Variants in MRAS observed in about 807,000 individuals in gnomAD.
MRAS encodes the protein ras-related protein M-Ras.
A neutral mutation model predicts 20.9 loss-of-function variants in MRAS; 4 were observed. The ratio of observed to expected loss-of-function variants is 0.19; its 90% CI spans 0.09 to 0.44. The LOEUF is 0.44. Ranked by LOEUF, MRAS falls within the 20% of genes least tolerant of loss-of-function variation. MRAS has a pLI of 0.99. For missense variants in MRAS, 154 were observed against 277.5 expected (o/e 0.56, Z 3.16); for synonymous variants, 98 against 102.9 (o/e 0.95, Z 0.29).
At chr3:138,377,973 C>T (rs1400170055) in intron 2 of MRAS, among the ~76,000 whole-genome samples, 1 of 152,238 alleles carries the variant, frequency 6.6e-6, no homozygotes. Context: ...AAAAGTTTCA[C>T]ACAACCAGCA....
intron 3 of MRAS, among the ~76,000 whole-genome samples, 188 bp downstream of exon 3, chr3:138,397,665 T>C (rs1481979073): frequency 2.0e-5 from 3 of 152,174 alleles, no homozygotes; most frequent in Non-Finnish European, 4.4e-5. Context: ...TTGTTGATTC[T>C]CAAAGAGGCT....
intron 2 of MRAS, among the ~76,000 whole-genome samples, chr3:138,393,196 C>G (rs1411066291): frequency 6.6e-6 from 1 of 152,192 alleles, no homozygotes; most frequent in Non-Finnish European, 1.5e-5. Context: ...CTATTCTCTT[C>G]AAATTATGCA....
At chr3:138,370,519 C>T (rs2054652755) in intron 1 of MRAS, among the ~76,000 whole-genome samples, 1 of 152,026 alleles carries the variant, frequency 6.6e-6, no homozygotes, top group African/African-American at 2.4e-5. Flanking sequence ...CTCTCCTTGG[C>T]CTGCCTTCAC....
At chr3:138,363,219 T>G (rs756960779) in intron 1 of MRAS, among the ~76,000 whole-genome samples, 1 of 151,974 alleles carries the variant, frequency 6.6e-6, no homozygotes, top group Non-Finnish European at 1.5e-5. Flanking sequence ...CCTGCCACCA[T>G]GCCTGGCTAA....
intron 2 of MRAS, among the ~76,000 whole-genome samples, chr3:138,387,443 G>A (rs1280850112): frequency 6.6e-6 from 1 of 152,204 alleles, no homozygotes; most frequent in Non-Finnish European, 1.5e-5. Context: ...AGACAGGCTG[G>A]TGTGAGGAGC....
In MRAS at chr3:138,402,174, C is replaced by A. The variant is rs2055374098; in HGVS notation, c.532C>A (p.Gln178Lys). Residue 178 changes from glutamine to lysine, a missense_variant, in exon 6 of 6, where the codon CAG becomes AAG. Transcript: ENST00000423968. The part of the protein sequence containing the change: ...FHDLVRVIRQ[Q>K]IPEKSQKKKK... ...TGTCCTTCATTGTTTCAAAAGGCAA[C>A]AGATTCCGGAAAAAAGCCAGAAGAA... 9.9e-6 allele frequency: 16 copies of A among 1,614,034 alleles called. No homozygotes were observed. The highest frequency in any genetic ancestry group is 1.4e-5 in the Non-Finnish European group (16 of 1,180,012).
chr3:138,387,430 C>T (rs925061736), intron 2 of MRAS, among the ~76,000 whole-genome samples: 2 of 152,206 alleles, frequency 1.3e-5, no homozygotes, highest in African/African-American at 2.4e-5. Flanking sequence ...GACTCCTGCT[C>T]AAAGACAGGC....
rs79609026 is a variant in MRAS, at chr3:138,388,170, G to A, written c.194-9154G>A. ...AGCCCTTTTTCTAGGAACAGTGCAC[G>A]GTGAATGCATCAGCCCTTTTGCCCA... On this transcript the variant is annotated intron_variant, in intron 2 of 5. Transcript: ENST00000423968. Among the ~76,000 whole-genome samples the A allele has an allele frequency of 9.4e-4, 143 of 152,242 alleles. 2 individuals are homozygous for A. The East Asian group carries it at 0.019, about 21-fold the overall frequency.
At chr3:138,365,010 G>A (rs1215566305) in intron 1 of MRAS, among the ~76,000 whole-genome samples, 3 of 152,196 alleles carry the variant, frequency 2.0e-5, no homozygotes, top group Non-Finnish European at 4.4e-5. Context: ...GCCAGCAGAG[G>A]ATGCCTAGCA....
intron 2 of MRAS, among the ~76,000 whole-genome samples, chr3:138,396,681 G>T (rs962444533): frequency 2.6e-5 from 4 of 152,120 alleles, no homozygotes; most frequent in Non-Finnish European, 5.9e-5. Flanking sequence ...GGATGGATGG[G>T]TTAGGAGGAA....
chr3:138,383,079 A>C (rs2054938087), intron 2 of MRAS, among the ~76,000 whole-genome samples: 1 of 152,236 alleles, frequency 6.6e-6, no homozygotes, highest in African/African-American at 2.4e-5. Context: ...ATCTGTATCC[A>C]AATGAGATAC....
intron 2 of MRAS, among the ~76,000 whole-genome samples, chr3:138,380,045 A>G (rs925917174): frequency 1.3e-5 from 2 of 151,838 alleles, no homozygotes; most frequent in African/African-American, 4.8e-5. Context: ...ATGTTATCTC[A>G]TTGTAGTTTT....
At chr3:138,349,977 C>T (rs1390484155) in intron 1 of MRAS, 1 of 152,246 alleles carries the variant, frequency 6.6e-6, no homozygotes, top group Non-Finnish European at 1.5e-5. Flanking sequence ...AAGATCATAT[C>T]TGAAGTCCAT....
At chr3:138,372,755 C>G (rs2054701097) in intron 1 of MRAS, 111 bp from the exon 2 acceptor site, 12 of 791,692 alleles carry the variant, frequency 1.5e-5, no homozygotes, top group Non-Finnish European at 2.2e-5. Flanking sequence ...TCTTCATTTT[C>G]AAACCTCTTT....
chr3:138,358,703 A>G (rs1025512473), intron 1 of MRAS, among the ~76,000 whole-genome samples: 6 of 152,250 alleles, frequency 3.9e-5, no homozygotes, highest in Non-Finnish European at 7.3e-5. Flanking sequence ...GATGCATTAC[A>G]TGTTTACGTC....
chr3:138,387,593 G>C (rs551352625), intron 2 of MRAS, among the ~76,000 whole-genome samples: 134 of 152,314 alleles, frequency 8.8e-4, no homozygotes, highest in Non-Finnish European at 1.6e-3. Context: ...CAGAGGGGTT[G>C]CAAGGTGGAA....
chr3:138,388,070 C>T (rs1307487348), intron 2 of MRAS, among the ~76,000 whole-genome samples: 4 of 152,178 alleles, frequency 2.6e-5, no homozygotes, highest in East Asian at 3.9e-4. Context: ...GGACTTTAGC[C>T]CCCTTCCCCT....
intron 2 of MRAS, among the ~76,000 whole-genome samples, chr3:138,385,662 C>T (rs891906318): frequency 4.6e-5 from 7 of 151,906 alleles, no homozygotes; most frequent in African/African-American, 1.7e-4. Context: ...ACTGCAGGCG[C>T]CCGCCACCAC....
At chr3:138,362,894 A>G (rs913053693) in intron 1 of MRAS, among the ~76,000 whole-genome samples, 1 of 152,114 alleles carries the variant, frequency 6.6e-6, no homozygotes, top group African/African-American at 2.4e-5. Context: ...CGCCCCTGCC[A>G]TGCACACATA....
Sources: gnomAD v4.1 joint callset for allele counts (sites outside exome capture counted in the v4.1 genomes callset) on GRCh38, gnomAD v4.1.1 for gene constraint, MANE v1.5 for transcripts, NCBI Gene and HGNC (gene_info 2026-07-23, HGNC 2026-07-21) for gene names.